LRP1B: variants seen among roughly 807,000 people sequenced by gnomAD.
LRP1B encodes the protein LDL receptor related protein 1B, also known as low-density lipoprotein receptor-related protein 1B.
A neutral mutation model predicts 556.6 loss-of-function variants in LRP1B; 217 were observed. The ratio of observed to expected loss-of-function variants is 0.39; its 90% CI spans 0.35 to 0.44. The LOEUF (loss-of-function observed/expected upper bound fraction) is 0.44. LRP1B is among the 20% of genes least tolerant of loss of function. The pLI is 1.00. For synonymous variants in LRP1B, 2,047 were observed against 1,865.8 expected, an observed-to-expected ratio of 1.10 and a Z score of -2.50; for missense variants, 5,053 against 5,620.8, an observed-to-expected ratio of 0.90 and a Z score of 3.23.
At position 140,408,728 on chromosome 2, in the gene LRP1B, A is replaced by G. The variant is rs147748274; in HGVS notation, c.10415-22719T>C. Among the ~76,000 whole-genome samples the G allele has an allele frequency of 2.3e-4, 35 of 152,116 alleles. 3 individuals carry two copies. Among genetic ancestry groups the G allele is most frequent in the African/African-American group, 6.7e-4 (28 of 41,562 alleles). ...CAAAAACATGGTTGCCTTTGCCATA[A>G]AACCCTAAACCCTAAAGCTGCAACA... On this transcript the variant is annotated intron_variant, in intron 66 of 90. Coordinates refer to ENST00000389484, the MANE Select transcript of LRP1B (RefSeq NM_018557.3).
chr2:141,463,330 T>C (rs1291442151), intron 3 of LRP1B, among the ~76,000 whole-genome samples: 2 of 151,698 alleles, frequency 1.3e-5, no homozygotes, highest in Non-Finnish European at 2.9e-5. Context: ...TTATGTTTGC[T>C]TTGGGAAGTA....
rs140739372 is a variant in LRP1B, at chr2:140,721,799, C to T, written c.5759-4983G>A. Among the ~76,000 whole-genome samples, 2,740 of 151,074 alleles carry T rather than the reference C, an allele frequency of 0.018. 179 individuals are homozygous for T. In the East Asian group the frequency reaches 0.22, roughly 12 times the overall value. On this transcript the variant is annotated intron_variant, in intron 35 of 90. Transcript: ENST00000389484. ...GTCTCGATCTCCTGACCTCGTGATCCGTCCACCTCGGCTTTTGACATACCG... is the reference window on the plus strand; with the variant it reads ...GTCTCGATCTCCTGACCTCGTGATCTGTCCACCTCGGCTTTTGACATACCG...
intron 3 of LRP1B, among the ~76,000 whole-genome samples, chr2:141,342,695 C>A (rs907081802): frequency 1.3e-5 from 2 of 152,020 alleles, no homozygotes; most frequent in African/African-American, 4.8e-5. Context: ...AAGGAACAAA[C>A]AAAGCCTTCA....
Position 140,297,839 on chromosome 2 carries a change from C to CTGGCAG in LRP1B, c.12930_12935dup (p.His4310_Cys4311dup), listed in dbSNP as rs1336307318. Reference sequence around the variant, plus strand: ...GACATCTGTCTCCGGTGTATTCCGGCTGGCAGTGGCAGTAAGGCTGGTTTC... The same window carrying CTGGCAG: ...GACATCTGTCTCCGGTGTATTCCGGCTGGCAGTGGCAGTGGCAGTAAGGCTGGTTTC... On this transcript the variant is annotated inframe_insertion, in exon 84 of 91. Coordinates refer to ENST00000389484, the MANE Select transcript of LRP1B (RefSeq NM_018557.3). 4 of 1,613,632 alleles carry CTGGCAG rather than the reference C, an allele frequency of 2.5e-6. No homozygotes were observed. Among genetic ancestry groups the CTGGCAG allele is most frequent in the Non-Finnish European group, 3.4e-6 (4 of 1,179,848 alleles).
chr2:140,515,734 A>C (rs895651444), intron 50 of LRP1B, among the ~76,000 whole-genome samples: 4 of 152,068 alleles, frequency 2.6e-5, no homozygotes, highest in Non-Finnish European at 5.9e-5. Flanking sequence ...GAATCCACAT[A>C]CAATATTTTG....
chr2:141,422,752 T>C (rs894801793), intron 3 of LRP1B, among the ~76,000 whole-genome samples: 1 of 152,218 alleles, frequency 6.6e-6, no homozygotes, highest in East Asian at 1.9e-4. Flanking sequence ...GTCTCTTTTT[T>C]CTTGCTGTGT....
At chr2:141,921,104 C>T (rs553695586) in intron 1 of LRP1B, among the ~76,000 whole-genome samples, 14 of 151,990 alleles carry the variant, frequency 9.2e-5, no homozygotes, top group Non-Finnish European at 1.8e-4. Flanking sequence ...TAACAAATTA[C>T]TTTCCTTAAG....
intron 2 of LRP1B, among the ~76,000 whole-genome samples, chr2:141,795,127 GT>G (rs1471111132): frequency 6.6e-6 from 1 of 152,054 alleles, no homozygotes; most frequent in Non-Finnish European, 1.5e-5. Flanking sequence ...CTTGAGTGTT[GT>G]TTATAAGTTT....
intron 18 of LRP1B, among the ~76,000 whole-genome samples, chr2:140,968,503 G>GTTTTT (rs34542410): frequency 1.0e-5 from 1 of 97,668 alleles, no homozygotes; most frequent in African/African-American, 3.0e-5. Flanking sequence ...ATTTTTTGCA[G>GTTTTT]TTTTTTTTTT....
chr2:141,609,663 C>T (rs994102014), intron 2 of LRP1B, among the ~76,000 whole-genome samples: 10 of 152,132 alleles, frequency 6.6e-5, no homozygotes, highest in African/African-American at 1.9e-4. Context: ...GGTTCAAAAA[C>T]GAGCTCTGGC....
chr2:142,072,821 T>A (rs1213294157), intron 1 of LRP1B, among the ~76,000 whole-genome samples: 1 of 151,994 alleles, frequency 6.6e-6, no homozygotes, highest in African/African-American at 2.4e-5. Flanking sequence ...AATGAATATG[T>A]ATTGAATATA....
chr2:141,525,266 A>G (rs1166766702), intron 2 of LRP1B, among the ~76,000 whole-genome samples: 1 of 152,104 alleles, frequency 6.6e-6, no homozygotes, highest in Non-Finnish European at 1.5e-5. Flanking sequence ...GAGAAGATAG[A>G]GGATTTGAAG....
intron 3 of LRP1B, among the ~76,000 whole-genome samples, chr2:141,334,111 T>G (rs1041834687): frequency 5.3e-5 from 8 of 152,236 alleles, no homozygotes; most frequent in African/African-American, 1.9e-4. Context: ...GTAGCTTCTC[T>G]TTTGACATCC....
chr2:140,974,128 T>C (rs1696518972), intron 18 of LRP1B, among the ~76,000 whole-genome samples: 1 of 152,182 alleles, frequency 6.6e-6, no homozygotes, highest in Non-Finnish European at 1.5e-5. Context: ...TAGCTTCAGA[T>C]GACAGCACAA....
At chr2:141,948,314 A>T (rs927373673) in intron 1 of LRP1B, among the ~76,000 whole-genome samples, 6 of 151,832 alleles carry the variant, frequency 4.0e-5, no homozygotes, top group South Asian at 2.1e-4. Context: ...AAATAAATAA[A>T]TAATTAATTA....
chr2:140,400,682 C>A (rs1684457826), intron 66 of LRP1B, among the ~76,000 whole-genome samples: 1 of 152,148 alleles, frequency 6.6e-6, no homozygotes, highest in Non-Finnish European at 1.5e-5. Flanking sequence ...ACAGTGAGAA[C>A]TTTTTTTCCA....
chr2:140,591,853 T>C (rs1373698222), intron 43 of LRP1B, among the ~76,000 whole-genome samples: 1 of 152,234 alleles, frequency 6.6e-6, no homozygotes, highest in East Asian at 1.9e-4. Context: ...ATAACTTCTA[T>C]GTAAATTGAG....
At chr2:141,667,010 A>G (rs772511247) in intron 2 of LRP1B, among the ~76,000 whole-genome samples, 5 of 151,932 alleles carry the variant, frequency 3.3e-5, no homozygotes, top group Non-Finnish European at 7.4e-5. Flanking sequence ...TTTCCTAGCT[A>G]GATTCATGAC....
At chr2:141,242,610 T>C (rs1030648601) in intron 5 of LRP1B, among the ~76,000 whole-genome samples, 2 of 152,096 alleles carry the variant, frequency 1.3e-5, no homozygotes, top group African/African-American at 4.8e-5. Flanking sequence ...AGTTTTTTAA[T>C]AGGCTCTCTA....
Sources: allele counts gnomAD v4.1 joint callset (sites outside exome capture counted in the v4.1 genomes callset), GRCh38; gene constraint gnomAD v4.1.1; transcripts MANE v1.5; gene names NCBI Gene and HGNC (gene_info 2026-07-23, HGNC 2026-07-21).